The following LLGL1 variants were observed in gnomAD, a reference collection of about 807,000 sequenced individuals.
LLGL1 encodes LLGL scribble cell polarity complex component 1.
In LLGL1, 58 loss-of-function variants were observed where a neutral mutation model predicts 110.6. That is an observed-to-expected ratio of 0.52 (90% CI 0.42 to 0.65). The LOEUF (loss-of-function observed/expected upper bound fraction) is 0.65. LLGL1 is among the 30% of genes least tolerant of loss of function. LLGL1 has a pLI of 0.00. For missense variants in LLGL1, 1,229 were observed against 1,462.1 expected (o/e 0.84, Z 2.60); for synonymous variants, 674 against 607.2 (o/e 1.11, Z -1.62).
intron 11 of LLGL1, 163 bp downstream of exon 11, chr17:18,235,700 A>G (rs915360836): frequency 3.8e-5 from 25 of 663,466 alleles, no homozygotes; most frequent in Non-Finnish European, 5.6e-5. Context: ...ACCTCCCTGG[A>G]CCTTGGTTCA....
In LLGL1 at chr17:18,244,155, G is replaced by A. The variant is rs1038451510; in HGVS notation, c.*249G>A. The stretch of plus-strand genomic sequence containing the variant: ...GCTGCCCTGGGGGCCCACTGCCTAG[G>A]GAAGAGGACAGGTGGGGCCCAGCAC... On this transcript the variant is annotated 3_prime_UTR_variant, in exon 23 of 23. Transcript: ENST00000316843. 5.9e-5 allele frequency: 9 copies of A among 152,244 alleles called. No homozygotes were observed. The highest frequency in any genetic ancestry group is 2.2e-4 in the African/African-American group (9 of 41,440). The allele number at this position is 152,244 out of a possible 1,614,324, so 9.4% of individuals were successfully genotyped here. A position where few individuals can be genotyped will look rare whatever the true frequency, so the allele number is the denominator to read the frequency against.
chr17:18,234,071 C>T lies in LLGL1; in HGVS notation c.610C>T (p.His204Tyr), dbSNP rs1386002613. ...GGGCCCCGTGGAGTCACTCCAGGGA[C>T]ACCTGCGGGACCCCACAAAGATTCT... ...ALGPVESLQG[H>Y]LRDPTKILIG... The change falls in exon 6 of 23, where the codon CAC becomes TAC. Residue 204 changes from histidine (H) to tyrosine (Y), a missense_variant. By Grantham distance (83) the His-to-Tyr change is moderately conservative (BLOSUM62 2). Coordinates refer to ENST00000316843, the MANE Select transcript of LLGL1 (RefSeq NM_004140.4). The T allele has an allele frequency of 9.9e-6, 16 of 1,610,700 alleles. No homozygotes were observed. The highest frequency in any genetic ancestry group is 1.4e-5 in the Non-Finnish European group (16 of 1,178,206).
At position 18,240,509 on chromosome 17, in the gene LLGL1, C is replaced by T. The variant is rs954061785; in HGVS notation, c.2207-69C>T. ...AGAGAGGCAGGGAGGGACCTGCAGT[C>T]TGTGGGAAGACCCCAGGGGAGATGC... On this transcript the variant is annotated intron_variant, in intron 16 of 22. Transcript: ENST00000316843. This position sits in a 1 kb window ranked among gnomAD's most constrained non-coding sequence, Gnocchi z 5.3. 3 of 1,490,254 alleles carry T rather than the reference C, an allele frequency of 2.0e-6. No individual in the cohort carries two copies. Among genetic ancestry groups the T allele is most frequent in the East Asian group, 2.3e-5 (1 of 43,666 alleles). 92.3% of individuals were successfully genotyped at this position (1,490,254 alleles called of 1,614,324 possible).
intron 14 of LLGL1, 107 bp from the exon 15 acceptor site, chr17:18,237,960 A>G: frequency 7.1e-7 from 1 of 1,403,098 alleles, no homozygotes; most frequent in African/African-American, 1.4e-5. Flanking sequence ...GGACTGCGCC[A>G]GAGGGGCTGT....
At chr17:18,242,348 A>G (rs1315947146) in intron 20 of LLGL1, 70 bp downstream of exon 20, 6 of 1,553,160 alleles carry the variant, frequency 3.9e-6, no homozygotes, top group African/African-American at 2.7e-5. Context: ...CGGGACTCAC[A>G]TAGCTCAGGG....
Position 18,234,156 on chromosome 17 carries a change from A to G in LLGL1, c.695A>G (p.His232Arg), listed in dbSNP as rs1444188863. 23 of 1,603,740 alleles carry G rather than the reference A, an allele frequency of 1.4e-5. No individual in the cohort carries two copies. Among genetic ancestry groups the G allele is most frequent in the Non-Finnish European group, 2.0e-5 (23 of 1,173,144 alleles). Residue 232 changes from histidine (H) to arginine (R), a missense_variant, in exon 6 of 23, where the codon CAC becomes CGC. His to Arg is a conservative substitution (Grantham distance 29, BLOSUM62 0). Coordinates refer to ENST00000316843, the MANE Select transcript of LLGL1 (RefSeq NM_004140.4). The part of the protein sequence containing the change: ...IWNQASQCVD[H>R]IFLGNQQLES... The stretch of plus-strand genomic sequence containing the variant: ...AACCAGGCCTCGCAGTGTGTGGACC[A>G]CATCTTCCTGGGGAACCAGGTATGT...
chr17:18,239,521 G>A (rs1365550139), intron 16 of LLGL1, among the ~76,000 whole-genome samples: 1 of 151,954 alleles, frequency 6.6e-6, no homozygotes, highest in Non-Finnish European at 1.5e-5. Flanking sequence ...TTTTTTTGCC[G>A]GGGTATTTTA....
At chr17:18,241,410 G>C in intron 17 of LLGL1, 41 bp from the exon 18 acceptor site, 5 of 1,590,982 alleles carry the variant, frequency 3.1e-6, no homozygotes, top group Non-Finnish European at 4.3e-6. Context: ...TGGGGACGAG[G>C]ACAGGGCCAG....
rs760692005 is a variant in LLGL1 at position 18,238,446 on chromosome 17, C to T, written c.2053-10C>T. The T allele has an allele frequency of 2.2e-5, 35 of 1,602,356 alleles. No homozygotes were observed. The highest frequency in any genetic ancestry group is 6.7e-5 in the South Asian group (6 of 90,094). On this transcript the variant is annotated splice_polypyrimidine_tract_variant and intron_variant, in intron 15 of 22. Transcript: ENST00000316843. ...TAGGGAGACAGTGTTCAGGAGCCCC[C>T]GCCCGGCAGTTGCAGGAAGCCAATG...
Position 18,242,829 on chromosome 17 carries a change from C to CTGG in LLGL1, c.*1+7_*1+8insTGG. The CTGG allele has an allele frequency of 6.5e-7, 1 of 1,547,098 alleles. No homozygotes were observed. The highest frequency in any genetic ancestry group is 1.2e-5 in the South Asian group (1 of 83,358). ...GCCATCCTGATCAAATGAGGTGCTGCAGGGGTGGGGCCCTGGTCCTCACCA... is the reference window on the plus strand; with the variant it reads ...GCCATCCTGATCAAATGAGGTGCTGCTGGAGGGGTGGGGCCCTGGTCCTCACCA... On this transcript the variant is annotated splice_region_variant and intron_variant, in intron 22 of 22. Transcript: ENST00000316843.
At chr17:18,233,100 A>G (rs2047604383) in intron 4 of LLGL1, among the ~76,000 whole-genome samples, 1 of 152,240 alleles carries the variant, frequency 6.6e-6, no homozygotes, top group Non-Finnish European at 1.5e-5. Flanking sequence ...GCCTGGCACT[A>G]CACTTACTGC....
intron 4 of LLGL1, among the ~76,000 whole-genome samples, 181 bp from the exon 5 acceptor site, chr17:18,233,597 C>A (rs576412004): frequency 6.6e-6 from 1 of 152,252 alleles, no homozygotes; most frequent in East Asian, 1.9e-4. Flanking sequence ...CTGCTGACAT[C>A]CTGATGAATA....
intron 9 of LLGL1, 37 bp downstream of exon 9, chr17:18,235,030 C>T: frequency 3.7e-6 from 6 of 1,613,914 alleles, no homozygotes; most frequent in Non-Finnish European, 4.2e-6. Context: ...TTCCCAGCCC[C>T]ACCTGGTGCC....
Position 18,233,797 on chromosome 17 carries a change from C to T in LLGL1, c.412C>T (p.Arg138Ter), listed in dbSNP as rs777016863. The change falls in exon 5 of 23, where the codon CGA (arginine) becomes TGA (stop). Residue 138 changes from arginine to a stop codon, truncating the protein, a stop_gained. Coordinates refer to ENST00000316843, the MANE Select transcript of LLGL1 (RefSeq NM_004140.4). LOFTEE classifies it high-confidence loss of function. Reference sequence around the variant, plus strand: ...CTGCAGTGCTCCGCTCAGCCTTACCCGAGTCACAGTGGTCCTGCTGGTGGC... The same window carrying T: ...CTGCAGTGCTCCGCTCAGCCTTACCTGAGTCACAGTGGTCCTGCTGGTGGC... ...DGASAPLSLT[R>*]VTVVLLVAAS... 2 of 1,613,810 alleles carry T rather than the reference C, an allele frequency of 1.2e-6. No individual in the cohort carries two copies. Among genetic ancestry groups the T allele is most frequent in the Non-Finnish European group, 1.7e-6 (2 of 1,179,856 alleles).
chr17:18,238,377 A>G, intron 15 of LLGL1, 79 bp from the exon 16 acceptor site: 1 of 1,568,228 alleles, frequency 6.4e-7, no homozygotes, highest in Non-Finnish European at 8.6e-7. Flanking sequence ...GAGGAATGGT[A>G]ACAGAACGTA....
chr17:18,242,847 C>G, intron 22 of LLGL1, 25 bp downstream of exon 22: 1 of 1,534,152 alleles, frequency 6.5e-7, no homozygotes, highest in Non-Finnish European at 8.8e-7. Context: ...GGGCCCTGGT[C>G]CTCACCACTG....
chr17:18,237,403 C>T, intron 13 of LLGL1, 78 bp from the exon 14 acceptor site: 1 of 1,402,692 alleles, frequency 7.1e-7, no homozygotes, highest in South Asian at 1.5e-5. Context: ...GGGGCTGCTT[C>T]AGAGGCTCCA....
Position 18,238,231 on chromosome 17 carries a change from T to C in LLGL1, c.2052+17T>C, listed in dbSNP as rs1330094374. ...AGCAGCAAGGTGAGCTGGGGTGGGC[T>C]GCACAGGAGCTGTGCCTGTGTCCTG... On this transcript the variant is annotated intron_variant, in intron 15 of 22. Transcript: ENST00000316843. 2.5e-6 allele frequency: 4 copies of C among 1,608,780 alleles called. No individual in the cohort carries two copies. The highest frequency in any genetic ancestry group is 2.5e-6 in the Non-Finnish European group (3 of 1,179,948).
chr17:18,228,452 C>T (rs1313964023), intron 1 of LLGL1, among the ~76,000 whole-genome samples: 1 of 152,214 alleles, frequency 6.6e-6, no homozygotes, highest in South Asian at 2.1e-4. Context: ...TAGGATCCCT[C>T]TGGCCTCTGT....
Sources: allele counts gnomAD v4.1 joint callset (sites outside exome capture counted in the v4.1 genomes callset), GRCh38; gene constraint gnomAD v4.1.1; non-coding constraint Gnocchi (gnomAD v3.1); transcripts MANE v1.5; gene names NCBI Gene and HGNC (gene_info 2026-07-23, HGNC 2026-07-21).